The following LDLRAD4 variants were observed in gnomAD, a reference collection of about 807,000 sequenced individuals.
The protein encoded by LDLRAD4 is low density lipoprotein receptor class A domain containing 4, also known as low-density lipoprotein receptor class A domain-containing protein 4.
LDLRAD4 carries 5 observed loss-of-function variants against 17.0 expected under a neutral mutation model. The observed-to-expected ratio is 0.29, with a 90% CI of 0.15 to 0.62. The LOEUF (loss-of-function observed/expected upper bound fraction) is 0.62, where lower values mean the gene tolerates loss of function less well. Among genes scored for constraint, LDLRAD4 ranks in the 20% least tolerant of loss-of-function variants. LDLRAD4 has a pLI of 0.84. For missense variants in LDLRAD4, 340 were observed against 424.7 expected, an observed-to-expected ratio of 0.80 and a Z score of 1.75; for synonymous variants, 168 against 171.8, an observed-to-expected ratio of 0.98 and a Z score of 0.17.
intron 4 of LDLRAD4, among the ~76,000 whole-genome samples, chr18:13,634,911 G>T (rs1009914463): frequency 1.3e-5 from 2 of 152,118 alleles, no homozygotes; most frequent in Non-Finnish European, 2.9e-5. Context: ...AGAACAGAGA[G>T]TCCAGAGATA....
chr18:13,592,234 A>T (rs978306813), intron 3 of LDLRAD4, among the ~76,000 whole-genome samples: 9 of 152,218 alleles, frequency 5.9e-5, no homozygotes, highest in African/African-American at 9.6e-5. Flanking sequence ...TTAAACCCTG[A>T]CCCACAGTGA....
rs540444778 is a variant in LDLRAD4 at position 13,334,335 on chromosome 18, T to C, written c.-382-53006T>C. ...TCACCACAACCTCCACCTCCTGGGT[T>C]CAAGAGATTTTCCTGCCTTAGCCTC... On this transcript the variant is annotated intron_variant, in intron 1 of 5. Coordinates refer to ENST00000359446, the Ensembl canonical transcript of LDLRAD4. Among the ~76,000 whole-genome samples, 11 of 152,308 alleles carry C rather than the reference T, an allele frequency of 7.2e-5. No individual in the cohort carries two copies. The South Asian group carries it at 2.1e-3, about 29-fold the overall frequency.
intron 1 of LDLRAD4, among the ~76,000 whole-genome samples, chr18:13,373,614 AT>A (rs1272002611): frequency 6.6e-6 from 1 of 152,228 alleles, no homozygotes; most frequent in African/African-American, 2.4e-5. Flanking sequence ...TAATATATGC[AT>A]TTTGAAGGAG....
chr18:13,586,414 A>AAAAAAAAAAAAAAAAAAAAAAAG (rs2094935214), intron 3 of LDLRAD4, among the ~76,000 whole-genome samples: 1 of 147,132 alleles, frequency 6.8e-6, no homozygotes. Context: ...CTCAAAAAAA[A>AAAAAAAAAAAAAAAAAAAAAAAG]AAAAAAAGAA....
At chr18:13,344,877 C>G (rs1384442648) in intron 1 of LDLRAD4, among the ~76,000 whole-genome samples, 2 of 152,168 alleles carry the variant, frequency 1.3e-5, no homozygotes, top group Non-Finnish European at 2.9e-5. Context: ...ATTTGGCTCT[C>G]TGTTTGTCTG....
intron 2 of LDLRAD4, among the ~76,000 whole-genome samples, chr18:13,396,284 G>A (rs540716846): frequency 2.0e-5 from 3 of 152,174 alleles, no homozygotes; most frequent in Admixed American, 6.5e-5. Flanking sequence ...CTAGCTGGGC[G>A]TGTAATTCTG....
chr18:13,475,493 C>T (rs2146849974), intron 3 of LDLRAD4, among the ~76,000 whole-genome samples: 1 of 146,092 alleles, frequency 6.8e-6, no homozygotes, highest in East Asian at 2.1e-4. Flanking sequence ...CTTAAGCAGT[C>T]CTCCTGCCTC....
intron 1 of LDLRAD4, among the ~76,000 whole-genome samples, chr18:13,259,716 C>G (rs1238529214): frequency 7.2e-6 from 1 of 139,336 alleles, no homozygotes; most frequent in African/African-American, 2.6e-5. Context: ...TCCATTTGTG[C>G]TGCTCACAAA....
intron 5 of LDLRAD4, among the ~76,000 whole-genome samples, chr18:13,644,318 G>T (rs1458609308): frequency 2.0e-5 from 3 of 149,194 alleles, no homozygotes; most frequent in Admixed American, 1.4e-4. Context: ...TGTAATCCTA[G>T]CACTTTAGGA....
At chr18:13,612,548 C>T (rs566041186) in intron 3 of LDLRAD4, 8 of 1,383,806 alleles carry the variant, frequency 5.8e-6, no homozygotes, top group East Asian at 2.6e-5. Flanking sequence ...GAAACACACC[C>T]CCCCCCCCTC....
At chr18:13,419,381 C>T (rs943569835) in intron 2 of LDLRAD4, 1 of 152,126 alleles carries the variant, frequency 6.6e-6, no homozygotes, top group Non-Finnish European at 1.5e-5. Flanking sequence ...TTTTGCAGAC[C>T]TGATACCTAT....
intron 2 of LDLRAD4, among the ~76,000 whole-genome samples, chr18:13,418,588 C>T (rs920731170): frequency 3.9e-5 from 6 of 152,208 alleles, no homozygotes; most frequent in African/African-American, 1.2e-4. Context: ...ATGTGTTCAA[C>T]TTTCGACCAA....
intron 2 of LDLRAD4, among the ~76,000 whole-genome samples, chr18:13,436,276 G>A (rs2090648083): frequency 1.3e-5 from 2 of 152,154 alleles, no homozygotes; most frequent in South Asian, 2.1e-4. Flanking sequence ...ACATAGAAGC[G>A]GCTAATATAT....
chr18:13,495,241 T>A (rs564178972), intron 3 of LDLRAD4, among the ~76,000 whole-genome samples: 2 of 152,308 alleles, frequency 1.3e-5, no homozygotes, highest in East Asian at 3.9e-4. Flanking sequence ...ATGGCCTCGC[T>A]CCCTGCGTGG....
At chr18:13,359,491 T>A (rs1454403717) in intron 1 of LDLRAD4, among the ~76,000 whole-genome samples, 2 of 152,144 alleles carry the variant, frequency 1.3e-5, no homozygotes, top group African/African-American at 4.8e-5. Context: ...CTTCCGTGCC[T>A]TTACCATTGT....
chr18:13,246,939 G>A (rs1344516830), intron 1 of LDLRAD4, among the ~76,000 whole-genome samples: 1 of 138,652 alleles, frequency 7.2e-6, no homozygotes, highest in African/African-American at 2.4e-5. Context: ...TATCTACAAG[G>A]GTTTTTTTTT....
intron 2 of LDLRAD4, among the ~76,000 whole-genome samples, chr18:13,412,785 A>G (rs933732954): frequency 3.9e-5 from 6 of 152,214 alleles, no homozygotes; most frequent in Non-Finnish European, 8.8e-5. Flanking sequence ...CCCGGCAGCC[A>G]GTAGGCGCTC....
chr18:13,581,094 AATTT>A (rs1353510376), intron 3 of LDLRAD4, among the ~76,000 whole-genome samples: 2 of 152,158 alleles, frequency 1.3e-5, no homozygotes, highest in Non-Finnish European at 2.9e-5. Flanking sequence ...CTGAACACAA[AATTT>A]ATTTATGTTT....
In LDLRAD4 at chr18:13,464,695, CT is replaced by C. The variant is rs537123299; in HGVS notation, c.181+26314del. On this transcript the variant is annotated intron_variant, in intron 3 of 5. Transcript: ENST00000359446. ...TGGTGCCATTGCTCTTAGAAATGCC[CT>C]TTAGGGCTGACAGAGCCTGACTTTT... Among the ~76,000 whole-genome samples, 116 of 151,194 alleles carry C rather than the reference CT, an allele frequency of 7.7e-4. 1 individual carries two copies. The highest frequency in any genetic ancestry group is 2.7e-3 in the African/African-American group (111 of 41,174).
Sources: allele counts gnomAD v4.1 joint callset (sites outside exome capture counted in the v4.1 genomes callset), GRCh38; gene constraint gnomAD v4.1.1; transcripts MANE v1.5; gene names NCBI Gene and HGNC (gene_info 2026-07-23, HGNC 2026-07-21).